Variants in VPS4B observed in about 807,000 individuals in gnomAD.
The protein encoded by VPS4B is vacuolar protein sorting 4 homolog B.
A neutral mutation model predicts 56.1 loss-of-function variants in VPS4B; 23 were observed. That is an observed-to-expected ratio of 0.41 (90% CI 0.30 to 0.58). VPS4B has a LOEUF of 0.58. Ranked by LOEUF, VPS4B falls within the 20% of genes least tolerant of loss-of-function variation. The pLI, the probability that VPS4B is intolerant of heterozygous loss-of-function variation, is 0.29. For missense variants in VPS4B, 372 were observed against 531.9 expected, an observed-to-expected ratio of 0.70 and a Z score of 2.96; for synonymous variants, 177 against 186.0, an observed-to-expected ratio of 0.95 and a Z score of 0.39.
chr18:63,411,668 T>TTTAAAGC, intron 1 of VPS4B, 90 bp from the exon 2 acceptor site: 1 of 936,266 alleles, frequency 1.1e-6, no homozygotes, highest in Non-Finnish European at 1.5e-6. Context: ...TTTTTTTTTT[T>TTTAAAGC]TAAAGCTTCT....
At position 63,400,070 on chromosome 18, in the gene VPS4B, C is replaced by T. The variant is rs146071226; in HGVS notation, c.768G>A (p.Thr256=). The T allele has an allele frequency of 2.7e-5, 43 of 1,605,842 alleles. No homozygotes were observed. The East Asian group carries it at 5.8e-4, about 22-fold the overall frequency. ...TACCTTGCATTTGCACTAGGAACTC[C>T]GTCTTAATTCTACGTGCGGCTTCAC... ...NESEAARRIK[T]EFLVQMQGVG... The change falls in exon 7 of 11, where the codon ACG becomes ACA. Residue 256 remains threonine (T), a synonymous_variant. Coordinates refer to ENST00000238497, the MANE Select transcript of VPS4B (RefSeq NM_004869.4).
At position 63,397,803 on chromosome 18, in the gene VPS4B, T is replaced by C. The variant is rs531288733; in HGVS notation, c.873-550A>G. On this transcript the variant is annotated intron_variant, in intron 8 of 10. Coordinates refer to ENST00000238497, the MANE Select transcript of VPS4B (RefSeq NM_004869.4). Reference sequence around the variant, plus strand: ...GTATTTGGAGACAGAGAAGCAACGATGAGGGATAATTTAAGTGGTCTGAGC... The same window carrying C: ...GTATTTGGAGACAGAGAAGCAACGACGAGGGATAATTTAAGTGGTCTGAGC... 3.3e-5 allele frequency among the ~76,000 whole-genome samples: 5 copies of C among 152,304 alleles called. No homozygotes were observed. The East Asian group carries it at 5.8e-4, about 18-fold the overall frequency.
At chr18:63,415,870 G>A (rs573777280) in intron 1 of VPS4B, 40 of 196,352 alleles carry the variant, frequency 2.0e-4, no homozygotes, top group Admixed American at 1.9e-3. Context: ...CACAGCCTAG[G>A]CAAACAGTGT....
At chr18:63,400,750 T>C (rs557372955) in intron 5 of VPS4B, 47 bp from the exon 6 acceptor site, 65 of 1,550,544 alleles carry the variant, frequency 4.2e-5, no homozygotes, top group Non-Finnish European at 5.3e-5. Flanking sequence ...TAACACTTAA[T>C]TGTATCATCT....
chr18:63,394,941 C>T (rs1007091594), intron 9 of VPS4B, among the ~76,000 whole-genome samples: 13 of 152,286 alleles, frequency 8.5e-5, no homozygotes, highest in African/African-American at 3.1e-4. Context: ...GACTGCTCTA[C>T]TTTCTGATCT....
At chr18:63,406,441 T>G (rs1256318701) in intron 4 of VPS4B, among the ~76,000 whole-genome samples, 1 of 152,238 alleles carries the variant, frequency 6.6e-6, no homozygotes, top group Non-Finnish European at 1.5e-5. Flanking sequence ...CAGGTAAGTA[T>G]TTTCACTATT....
chr18:63,416,313 TGAG>T (rs201252802), intron 1 of VPS4B: 7 of 187,860 alleles, frequency 3.7e-5, no homozygotes, highest in Non-Finnish European at 1.2e-5. Flanking sequence ...ACTTTTGCAT[TGAG>T]TTCATTCATT....
chr18:63,409,945 G>C (rs1351385288), intron 3 of VPS4B, among the ~76,000 whole-genome samples: 1 of 152,168 alleles, frequency 6.6e-6, no homozygotes, highest in Admixed American at 6.5e-5. Flanking sequence ...CTAGCAGGCA[G>C]TCAGGAAGGG....
intron 1 of VPS4B, among the ~76,000 whole-genome samples, chr18:63,421,257 ATC>A (rs759357279): frequency 2.0e-5 from 3 of 152,130 alleles, no homozygotes; most frequent in Non-Finnish European, 4.4e-5. Context: ...TGAAATTTTA[ATC>A]TCTGTTTAAG....
At chr18:63,411,793 T>C (rs1916051680) in intron 1 of VPS4B, among the ~76,000 whole-genome samples, 1 of 152,202 alleles carries the variant, frequency 6.6e-6, no homozygotes, top group South Asian at 2.1e-4. Context: ...GTTGAAAAGA[T>C]GCAAATTACA....
intron 10 of VPS4B, among the ~76,000 whole-genome samples, chr18:63,392,241 A>T (rs1180459808): frequency 6.6e-6 from 1 of 152,222 alleles, no homozygotes; most frequent in Non-Finnish European, 1.5e-5. Flanking sequence ...ACAACTTTTC[A>T]ATCACCCTAA....
At chr18:63,411,174 C>T (rs546629370) in intron 2 of VPS4B, among the ~76,000 whole-genome samples, 27 of 152,356 alleles carry the variant, frequency 1.8e-4, no homozygotes, top group African/African-American at 6.5e-4. Context: ...CCACGTGGTA[C>T]ACACGCAATA....
chr18:63,410,539 T>C, intron 2 of VPS4B, 93 bp from the exon 3 acceptor site: 2 of 1,481,784 alleles, frequency 1.3e-6, no homozygotes, highest in Non-Finnish European at 1.8e-6. Context: ...GACAAGGAAA[T>C]TCTATGTTGG....
rs1915537626 is a variant in VPS4B at position 63,391,064 on chromosome 18, G to A, written c.1246C>T (p.Arg416Trp). 15 of 1,610,760 alleles carry A rather than the reference G, an allele frequency of 9.3e-6. No homozygotes were observed. Among genetic ancestry groups the A allele is most frequent in the Non-Finnish European group, 1.1e-5 (13 of 1,177,422 alleles). Residue 416 changes from arginine to tryptophan, a missense_variant, in exon 11 of 11, where the codon CGG becomes TGG. Transcript: ENST00000238497. ...EPVVSMSDMLRSLSNTKPTVN... is the reference protein window; with the variant it reads ...EPVVSMSDMLWSLSNTKPTVN... ...GTAGGTTTTGTGTTAGATAGTGACCGCAACATATCCGACTGTCAGGGAAAA... is the reference window on the plus strand; with the variant it reads ...GTAGGTTTTGTGTTAGATAGTGACCACAACATATCCGACTGTCAGGGAAAA...
chr18:63,396,542 A>C (rs957589020), intron 9 of VPS4B: 1 of 160,902 alleles, frequency 6.2e-6, no homozygotes. Flanking sequence ...GGGGCACTGC[A>C]CCCAGCCAAA....
intron 1 of VPS4B, 45 bp downstream of exon 1, chr18:63,422,188 C>G (rs1916319055): frequency 1.4e-6 from 2 of 1,456,626 alleles, no homozygotes; most frequent in Non-Finnish European, 1.8e-6. Flanking sequence ...TCGCGCCTCC[C>G]CTCGATCCCA....
chr18:63,412,817 G>A lies in VPS4B; in HGVS notation c.28-1239C>T, dbSNP rs1466140638. Among the ~76,000 whole-genome samples, 5 of 152,020 alleles carry A rather than the reference G, an allele frequency of 3.3e-5. No homozygotes were observed. The South Asian group carries it at 6.2e-4, about 19-fold the overall frequency. On this transcript the variant is annotated intron_variant, in intron 1 of 10. Transcript: ENST00000238497. Reference sequence around the variant, plus strand: ...AGCAGGATCACAAGTCCACACCACCGCACCCAGCTAAAACTTTTAGAAAAA... The same window carrying A: ...AGCAGGATCACAAGTCCACACCACCACACCCAGCTAAAACTTTTAGAAAAA...
chr18:63,420,749 AAGAT>A (rs920591703), intron 1 of VPS4B, among the ~76,000 whole-genome samples: 1 of 152,026 alleles, frequency 6.6e-6, no homozygotes, highest in African/African-American at 2.4e-5. Context: ...CTTGGTGAAA[AAGAT>A]AGTCATCCGG....
At chr18:63,417,268 AC>A (rs1245257770) in intron 1 of VPS4B, among the ~76,000 whole-genome samples, 1 of 151,994 alleles carries the variant, frequency 6.6e-6, no homozygotes, top group Non-Finnish European at 1.5e-5. Context: ...TTTCTCTGCT[AC>A]CTTTTAGAGC....
Sources: allele counts gnomAD v4.1 joint callset (sites outside exome capture counted in the v4.1 genomes callset), GRCh38; gene constraint gnomAD v4.1.1; transcripts MANE v1.5; gene names NCBI Gene and HGNC (gene_info 2026-07-23, HGNC 2026-07-21).